The following ZSCAN5B variants were observed in gnomAD, a reference collection of about 807,000 sequenced individuals.
The protein encoded by ZSCAN5B is zinc finger and SCAN domain containing 5B.
ZSCAN5B carries 26 observed loss-of-function variants against 25.2 expected under a neutral mutation model. The ratio of observed to expected loss-of-function variants is 1.03; its 90% CI spans 0.76 to 1.43. The LOEUF (loss-of-function observed/expected upper bound fraction) is 1.43. ZSCAN5B is among the 40% of genes most tolerant of loss of function. ZSCAN5B has a pLI of 0.00. For missense variants in ZSCAN5B, 745 were observed against 622.1 expected, an observed-to-expected ratio of 1.20 and a Z score of -2.10; for synonymous variants, 244 against 240.9, an observed-to-expected ratio of 1.01 and a Z score of -0.12.
At chr19:56,194,759 C>T (rs1043527799) in intron 1 of ZSCAN5B, among the ~76,000 whole-genome samples, 6 of 151,916 alleles carry the variant, frequency 3.9e-5, no homozygotes, top group African/African-American at 1.5e-4. Context: ...GGATTACAGG[C>T]CCCCGCCCAG....
Position 56,192,886 on chromosome 19 carries a change from G to A in ZSCAN5B, c.167C>T (p.Ser56Leu), listed in dbSNP as rs201778233. Reference sequence around the variant, plus strand: ...TTTCCTCAGAGCCTGGATGGGGTCCGACTCCTCTGGGCAGCTGAACATCCT... The same window carrying A: ...TTTCCTCAGAGCCTGGATGGGGTCCAACTCCTCTGGGCAGCTGAACATCCT... The change falls in exon 2 of 5, where the codon TCG becomes TTG. Residue 56 changes from serine (S) to leucine (L), a missense_variant. Ser to Leu is a moderately radical substitution (Grantham distance 145). Coordinates refer to ENST00000586855, the Ensembl canonical transcript of ZSCAN5B. 11 of 1,614,070 alleles carry A rather than the reference G, an allele frequency of 6.8e-6. No individual in the cohort carries two copies. Among genetic ancestry groups the A allele is most frequent in the East Asian group, 4.5e-5 (2 of 44,882 alleles).
At chr19:56,195,734 T>A (rs2032801965) in intron 1 of ZSCAN5B, among the ~76,000 whole-genome samples, 1 of 152,194 alleles carries the variant, frequency 6.6e-6, no homozygotes, top group Non-Finnish European at 1.5e-5. Context: ...GGTACTATCC[T>A]CATATCCTGG....
chr19:56,195,547 CA>C lies in ZSCAN5B; in HGVS notation c.-128+2186del, dbSNP rs58916478. On this transcript the variant is annotated intron_variant, in intron 1 of 4. Coordinates refer to ENST00000586855, the Ensembl canonical transcript of ZSCAN5B. ...CCCTGTGCTGGGATGTAAATTAGAG[CA>C]GCCGATATGGGAGACAGTATAGAAG... Among the ~76,000 whole-genome samples, 192 of 151,806 alleles carry C rather than the reference CA, an allele frequency of 1.3e-3. 3 individuals carry two copies. Among genetic ancestry groups the C allele is most frequent in the African/African-American group, 4.1e-3 (171 of 41,344 alleles).
rs201658700 is a variant in ZSCAN5B, at chr19:56,190,296, G to C, written c.1019C>G (p.Pro340Arg). The change falls in exon 5 of 5, where the codon CCG (proline) becomes CGG (arginine). Residue 340 changes from proline to arginine, a missense_variant. Pro to Arg is a moderately radical substitution (Grantham distance 103). Coordinates refer to ENST00000586855, the Ensembl canonical transcript of ZSCAN5B. ...TTCTTGGCCATCTGGGTGACTGACC[G>C]GGCCCGCAGGGCCTGGGGAATGAAC... 16 of 1,614,050 alleles carry C rather than the reference G, an allele frequency of 9.9e-6. No individual in the cohort carries two copies. Among genetic ancestry groups the C allele is most frequent in the Non-Finnish European group, 1.4e-5 (16 of 1,180,050 alleles).
chr19:56,195,295 A>G (rs1359107154), intron 1 of ZSCAN5B, among the ~76,000 whole-genome samples: 1 of 152,206 alleles, frequency 6.6e-6, no homozygotes, highest in African/African-American at 2.4e-5. Flanking sequence ...CTCCAGAGCG[A>G]GAAAACACAT....
At chr19:56,190,052 G>A (rs1339758369) in exon 5 of ZSCAN5B, 3 of 1,613,816 alleles carry the variant, frequency 1.9e-6, no homozygotes, top group East Asian at 4.5e-5. Flanking sequence ...TGGACTCGTG[G>A]GCGAACCGCT....
Position 56,189,834 on chromosome 19 carries a change from G to A in ZSCAN5B, c.1481C>T (p.Ser494Phe), listed in dbSNP as rs2032697722. The change falls in exon 5 of 5, where the codon TCC becomes TTC. Residue 494 changes from serine to phenylalanine, a missense_variant. Transcript: ENST00000586855. ...GTGGACCTGACTCTGGAATCACTGG[G>A]AGGTGGTTTCCCGGTGTGTTTTCAG... The A allele has an allele frequency of 2.5e-6, 4 of 1,606,752 alleles. No homozygotes were observed. Among genetic ancestry groups the A allele is most frequent in the Non-Finnish European group, 3.4e-6 (4 of 1,174,724 alleles).
chr19:56,195,858 TC>T (rs2032803637), intron 1 of ZSCAN5B, among the ~76,000 whole-genome samples: 1 of 151,680 alleles, frequency 6.6e-6, no homozygotes, highest in South Asian at 2.1e-4. Flanking sequence ...TTTAAAGTTA[TC>T]TATTTTTGTT....
chr19:56,194,331 T>G (rs2032779918), intron 1 of ZSCAN5B, among the ~76,000 whole-genome samples: 1 of 152,194 alleles, frequency 6.6e-6, no homozygotes, highest in Non-Finnish European at 1.5e-5. Context: ...GGTCTTGCTC[T>G]GTCATCCAGG....
chr19:56,197,184 T>A (rs1297878728), intron 1 of ZSCAN5B, among the ~76,000 whole-genome samples: 5 of 152,212 alleles, frequency 3.3e-5, no homozygotes, highest in Non-Finnish European at 1.5e-5. Context: ...CTCCTTTTTT[T>A]TTTTTTGAGA....
Position 56,190,263 on chromosome 19 carries a change from G to T in ZSCAN5B, c.1052C>A (p.Ala351Asp), listed in dbSNP as rs1315208494. 6.8e-6 allele frequency: 11 copies of T among 1,614,068 alleles called. No individual in the cohort carries two copies. In the African/African-American group the frequency reaches 1.2e-4, roughly 18 times the overall value. Residue 351 changes from alanine (A) to aspartate (D), a missense_variant, in exon 5 of 5, where the codon GCC becomes GAC. By Grantham distance (126) the Ala-to-Asp change is moderately radical. Transcript: ENST00000586855. The stretch of plus-strand genomic sequence containing the variant: ...CACGTCACATGCAAAGGGCGGCAGG[G>T]CCTTGGCTTCTTGGCCATCTGGGTG...
rs200245477 is a variant in ZSCAN5B, at chr19:56,192,002, C to T, written c.436G>A (p.Glu146Lys). Residue 146 changes from glutamate to lysine, a missense_variant, in exon 3 of 5, where the codon GAG becomes AAG. Physicochemically the swap from Glu to Lys is moderately conservative, Grantham distance 56. Transcript: ENST00000586855. ...ACACTGGCGGGGGCTTCAGCCATCT[C>T]GACATCTGAGTTCAGCATAAGATAT... The T allele has an allele frequency of 3.3e-5, 53 of 1,613,712 alleles. No homozygotes were observed. Among genetic ancestry groups the T allele is most frequent in the Admixed American group, 2.3e-4 (14 of 59,950 alleles).
At chr19:56,191,677 A>G (rs2032735936) in intron 3 of ZSCAN5B, among the ~76,000 whole-genome samples, 173 bp downstream of exon 3, 1 of 137,676 alleles carries the variant, frequency 7.3e-6, no homozygotes, top group Non-Finnish European at 1.5e-5. Flanking sequence ...AAAGTAGATG[A>G]GGCTTCCCTC....
At chr19:56,196,340 C>T (rs938268488) in intron 1 of ZSCAN5B, among the ~76,000 whole-genome samples, 11 of 151,970 alleles carry the variant, frequency 7.2e-5, no homozygotes, top group Non-Finnish European at 1.5e-4. Flanking sequence ...GTGTGAGCCA[C>T]CGCACCTGGC....
At chr19:56,197,536 G>C (rs2032825755) in intron 1 of ZSCAN5B, among the ~76,000 whole-genome samples, 198 bp downstream of exon 1, 1 of 152,102 alleles carries the variant, frequency 6.6e-6, no homozygotes, top group South Asian at 2.1e-4. Flanking sequence ...GGGCCCGACC[G>C]AGAAAGTTAA....
Position 56,197,718 on chromosome 19 carries a change from G to C in ZSCAN5B, c.-128+16C>G, listed in dbSNP as rs557385753. The C allele has an allele frequency of 1.5e-3, 1,502 of 984,294 alleles. 18 individuals are homozygous for C. In the African/African-American group the frequency reaches 0.019, roughly 13 times the overall value. 61.0% of individuals were successfully genotyped at this position (984,294 alleles called of 1,614,324 possible). A position where few individuals can be genotyped will look rare whatever the true frequency, so the allele number is the denominator to read the frequency against. On this transcript the variant is annotated intron_variant, in intron 1 of 4. Coordinates refer to ENST00000586855, the Ensembl canonical transcript of ZSCAN5B. ...CCAGCTCCGAAACCCCACAGCCATC[G>C]CCGCTGGACACTCACCTCCTTCCCG...
At position 56,190,183 on chromosome 19, in the gene ZSCAN5B, T is replaced by C. The variant is rs757925411; in HGVS notation, c.1132A>G (p.Thr378Ala). The C allele has an allele frequency of 1.7e-5, 27 of 1,613,952 alleles. No individual in the cohort carries two copies. In the African/African-American group the frequency reaches 2.3e-4, roughly 14 times the overall value. The change falls in exon 5 of 5, where the codon ACA becomes GCA. Residue 378 changes from threonine (T) to alanine (A), a missense_variant. Coordinates refer to ENST00000586855, the Ensembl canonical transcript of ZSCAN5B. ...TCACATTGAAAGGGTCTGTCTCCTG[T>C]GTGTGACCTCCTGTGGATGCTTAGC...
intron 1 of ZSCAN5B, among the ~76,000 whole-genome samples, chr19:56,194,042 C>G (rs1205094276): frequency 1.3e-5 from 2 of 151,880 alleles, no homozygotes; most frequent in Admixed American, 1.3e-4. Flanking sequence ...TTATGAAATT[C>G]ATCACTTTTA....
At chr19:56,190,852 G>A in exon 4 of ZSCAN5B, 1 of 1,614,082 alleles carries the variant, frequency 6.2e-7, no homozygotes, top group Non-Finnish European at 8.5e-7. Flanking sequence ...CTCTTTGGAA[G>A]CTGAGGCTCT....
Sources: gnomAD v4.1 joint callset for allele counts (sites outside exome capture counted in the v4.1 genomes callset) on GRCh38, gnomAD v4.1.1 for gene constraint, MANE v1.5 for transcripts, NCBI Gene and HGNC (gene_info 2026-07-23, HGNC 2026-07-21) for gene names.